The following LDB2 variants were observed in gnomAD, a reference collection of about 807,000 sequenced individuals.
LDB2 encodes the protein LIM domain binding 2.
A neutral mutation model predicts 44.3 loss-of-function variants in LDB2; 12 were observed. The ratio of observed to expected loss-of-function variants is 0.27; its 90% confidence interval spans 0.17 to 0.44. The LOEUF (loss-of-function observed/expected upper bound fraction) is 0.44. Among genes scored for constraint, LDB2 ranks in the 20% least tolerant of loss-of-function variants. LDB2 has a pLI of 1.00. For synonymous variants in LDB2, 164 were observed against 174.8 expected, an observed-to-expected ratio of 0.94 and a Z score of 0.49; for missense variants, 344 against 473.5, an observed-to-expected ratio of 0.73 and a Z score of 2.54.
chr4:16,694,946 C>G (rs953312454), intron 2 of LDB2, among the ~76,000 whole-genome samples: 2 of 152,174 alleles, frequency 1.3e-5, no homozygotes, highest in Admixed American at 1.3e-4. Context: ...CCCCAGTTTG[C>G]CAGGGAAACA....
At chr4:16,837,610 C>T (rs1375867770) in intron 1 of LDB2, among the ~76,000 whole-genome samples, 1 of 152,202 alleles carries the variant, frequency 6.6e-6, no homozygotes, top group Admixed American at 6.5e-5. Flanking sequence ...CTGGGCTAAC[C>T]TGTCAGAGAC....
chr4:16,577,389 C>A (rs1207021713), intron 5 of LDB2, among the ~76,000 whole-genome samples: 2 of 152,004 alleles, frequency 1.3e-5, no homozygotes, highest in African/African-American at 2.4e-5. Context: ...TTGCGCAATA[C>A]AAAATCAATA....
At chr4:16,634,401 G>C (rs1042428378) in intron 2 of LDB2, among the ~76,000 whole-genome samples, 6 of 150,596 alleles carry the variant, frequency 4.0e-5, no homozygotes, top group Non-Finnish European at 5.9e-5. Flanking sequence ...CCATCTGACA[G>C]AGGGCTAATA....
chr4:16,855,420 A>G (rs1225482639), intron 1 of LDB2, among the ~76,000 whole-genome samples: 1 of 152,162 alleles, frequency 6.6e-6, no homozygotes, highest in Admixed American at 6.5e-5. Context: ...GGACAGACAG[A>G]ATGAGAAGAA....
At chr4:16,538,351 A>G (rs1339696894) in intron 5 of LDB2, among the ~76,000 whole-genome samples, 1 of 152,072 alleles carries the variant, frequency 6.6e-6, no homozygotes, top group Non-Finnish European at 1.5e-5. Flanking sequence ...GAGGCTTCCA[A>G]TCCTGCTGCC....
At chr4:16,594,263 G>T (rs1720119354) in intron 3 of LDB2, among the ~76,000 whole-genome samples, 1 of 152,082 alleles carries the variant, frequency 6.6e-6, no homozygotes, top group African/African-American at 2.4e-5. Context: ...CTTGCAAAAT[G>T]AATGGCTTAC....
chr4:16,832,900 T>C (rs1044161345), intron 1 of LDB2, among the ~76,000 whole-genome samples: 4 of 152,162 alleles, frequency 2.6e-5, no homozygotes, highest in Non-Finnish European at 2.9e-5. Context: ...CTGAACAATT[T>C]TGAAAAATCC....
chr4:16,857,970 A>G (rs909675744), intron 1 of LDB2, among the ~76,000 whole-genome samples: 4 of 152,018 alleles, frequency 2.6e-5, no homozygotes, highest in African/African-American at 9.7e-5. Context: ...TTCAATAAAT[A>G]TATTGACTGA....
chr4:16,892,876 T>C (rs1204432106), intron 1 of LDB2, among the ~76,000 whole-genome samples: 1 of 152,186 alleles, frequency 6.6e-6, no homozygotes, highest in Non-Finnish European at 1.5e-5. Context: ...GAGAGAAATT[T>C]AAATGTGCAT....
chr4:16,530,228 C>G (rs1729680882), intron 5 of LDB2, among the ~76,000 whole-genome samples: 1 of 152,206 alleles, frequency 6.6e-6, no homozygotes, highest in Non-Finnish European at 1.5e-5. Flanking sequence ...GCACTGCTGC[C>G]TTGGTGTCAG....
intron 1 of LDB2, among the ~76,000 whole-genome samples, chr4:16,808,774 TTGG>T (rs933446619): frequency 2.4e-4 from 37 of 152,092 alleles, no homozygotes; most frequent in African/African-American, 7.7e-4. Context: ...GCTAGAAAAC[TTGG>T]TGAAGTATCA....
chr4:16,799,185 C>G (rs1455891227), intron 1 of LDB2, among the ~76,000 whole-genome samples: 2 of 152,130 alleles, frequency 1.3e-5, no homozygotes, highest in Non-Finnish European at 2.9e-5. Flanking sequence ...CAGCCATCTA[C>G]GCAGTTAAGA....
intron 2 of LDB2, among the ~76,000 whole-genome samples, chr4:16,694,873 C>A (rs2152613515): frequency 6.6e-6 from 1 of 152,238 alleles, no homozygotes; most frequent in Middle Eastern, 3.4e-3. Flanking sequence ...CTAATGAATC[C>A]TAGAGTTATG....
intron 2 of LDB2, among the ~76,000 whole-genome samples, chr4:16,605,200 G>T (rs1289123171): frequency 6.6e-6 from 1 of 152,110 alleles, no homozygotes; most frequent in Non-Finnish European, 1.5e-5. Flanking sequence ...ATCATGAATG[G>T]CACTTAACAG....
At chr4:16,525,024 A>C (rs1727699067) in intron 5 of LDB2, among the ~76,000 whole-genome samples, 1 of 152,228 alleles carries the variant, frequency 6.6e-6, no homozygotes, top group Non-Finnish European at 1.5e-5. Flanking sequence ...GGGAATTTGG[A>C]TATGTTCCTT....
intron 2 of LDB2, among the ~76,000 whole-genome samples, chr4:16,679,818 C>T (rs1747355759): frequency 6.6e-6 from 1 of 152,168 alleles, no homozygotes; most frequent in South Asian, 2.1e-4. Context: ...AGGTGCCAGC[C>T]CGGCCAGAGC....
intron 2 of LDB2, among the ~76,000 whole-genome samples, chr4:16,709,343 A>G (rs1229913396): frequency 1.3e-5 from 2 of 152,270 alleles, no homozygotes; most frequent in East Asian, 1.9e-4. Flanking sequence ...TCAAGACCCA[A>G]TGGGAAACTC....
chr4:16,710,721 A>G (rs1238833178), intron 2 of LDB2, among the ~76,000 whole-genome samples: 2 of 152,210 alleles, frequency 1.3e-5, no homozygotes, highest in Admixed American at 6.5e-5. Context: ...CAACTCAGAA[A>G]CATATCCCTA....
intron 1 of LDB2, among the ~76,000 whole-genome samples, chr4:16,773,998 CA>C (rs60133554): frequency 7.8e-6 from 1 of 128,360 alleles, no homozygotes; most frequent in Non-Finnish European, 1.6e-5. Flanking sequence ...ACTAAAAATA[CA>C]AAAAAAATAG....
Sources: gnomAD v4.1 joint callset for allele counts (sites outside exome capture counted in the v4.1 genomes callset) on GRCh38, gnomAD v4.1.1 for gene constraint, MANE v1.5 for transcripts, NCBI Gene and HGNC (gene_info 2026-07-23, HGNC 2026-07-21) for gene names.